The following NUP160 variants were observed in gnomAD, a reference collection of about 807,000 sequenced individuals.
NUP160 encodes nuclear pore complex protein Nup160.
A neutral mutation model predicts 196.9 loss-of-function variants in NUP160; 94 were observed. The observed-to-expected ratio is 0.48, with a 90% CI of 0.40 to 0.57. NUP160 has a LOEUF of 0.57. Ranked by LOEUF, NUP160 falls within the 20% of genes least tolerant of loss-of-function variation. The pLI, the probability that NUP160 is intolerant of heterozygous loss-of-function variation, is 0.00. For missense variants in NUP160, 1,638 were observed against 1,748.3 expected (o/e 0.94, Z 1.13); for synonymous variants, 605 against 619.7 (o/e 0.98, Z 0.35).
chr11:47,797,151 AGG>A (rs1491459723), intron 27 of NUP160, among the ~76,000 whole-genome samples: 88,037 of 152,128 alleles, frequency 0.58, 25,770 homozygotes, highest in Admixed American at 0.64. Context: ...AAATGTGGAA[AGG>A]GAGAAGGCTA....
At chr11:47,837,078 T>C (rs1422173274) in intron 5 of NUP160, 77 bp from the exon 6 acceptor site, 10 of 776,558 alleles carry the variant, frequency 1.3e-5, no homozygotes, top group South Asian at 8.3e-5. Flanking sequence ...TCAAGAAATA[T>C]AATAAAATTA....
chr11:47,804,415 G>A, intron 21 of NUP160, 134 bp downstream of exon 21: 1 of 627,294 alleles, frequency 1.6e-6, no homozygotes, highest in Non-Finnish European at 2.8e-6. Context: ...CAATCTCTTT[G>A]GGGTATGTCT....
At chr11:47,826,970 T>C in intron 7 of NUP160, 2 of 444,408 alleles carry the variant, frequency 4.5e-6, no homozygotes, top group Non-Finnish European at 9.0e-6. Flanking sequence ...TGTCTTAACA[T>C]AAATCAAGGC....
intron 19 of NUP160, among the ~76,000 whole-genome samples, chr11:47,806,850 C>CATATATATATAT (rs1163911031): frequency 1.8e-5 from 2 of 113,620 alleles, no homozygotes; most frequent in African/African-American, 6.7e-5. Flanking sequence ...CACACACACA[C>CATATATATATAT]ACATATATAT....
At chr11:47,819,315 A>C (rs1482695468) in intron 10 of NUP160, 59 bp downstream of exon 10, 2 of 1,239,790 alleles carry the variant, frequency 1.6e-6, no homozygotes, top group Non-Finnish European at 2.3e-6. Context: ...TCTGTCTCAA[A>C]AAAAAAAAAA....
chr11:47,807,290 T>A, intron 18 of NUP160, 150 bp from the exon 19 acceptor site: 1 of 601,382 alleles, frequency 1.7e-6, no homozygotes, highest in Non-Finnish European at 3.0e-6. Flanking sequence ...GAAATCATTA[T>A]AATATAGATT....
intron 20 of NUP160, among the ~76,000 whole-genome samples, chr11:47,805,445 G>T (rs1481773570): frequency 3.4e-5 from 3 of 88,578 alleles, no homozygotes; most frequent in Non-Finnish European, 4.5e-5. Context: ...AATGAATAAT[G>T]TCTTTTTTTT....
intron 7 of NUP160, among the ~76,000 whole-genome samples, chr11:47,824,052 T>TATATATACAC (rs1391609379): frequency 6.4e-5 from 6 of 93,796 alleles, no homozygotes; most frequent in Non-Finnish European, 1.2e-4. Flanking sequence ...TATATATATA[T>TATATATACAC]ACACACACAC....
intron 11 of NUP160, among the ~76,000 whole-genome samples, 183 bp from the exon 12 acceptor site, chr11:47,816,212 G>GTTCTT (rs2097684358): frequency 6.6e-6 from 1 of 152,162 alleles, no homozygotes; most frequent in African/African-American, 2.4e-5. Flanking sequence ...AGGTGACCTG[G>GTTCTT]AAAGATTCTT....
intron 31 of NUP160, chr11:47,787,139 G>C (rs2097665013): frequency 1.3e-5 from 2 of 150,604 alleles, no homozygotes; most frequent in South Asian, 4.2e-4. Context: ...CCAGGCTGGA[G>C]TGCAGTGGCG....
intron 33 of NUP160, among the ~76,000 whole-genome samples, chr11:47,783,973 C>T (rs1415779981): frequency 1.3e-5 from 2 of 151,052 alleles, no homozygotes; most frequent in African/African-American, 4.9e-5. Flanking sequence ...GGTTTACAGG[C>T]GTGAGTCACC....
chr11:47,848,099 A>G, intron 1 of NUP160, 120 bp downstream of exon 1: 1 of 1,328,900 alleles, frequency 7.5e-7, no homozygotes, highest in Middle Eastern at 1.8e-4. Flanking sequence ...GGAATCTCTG[A>G]TCCCGGGGCT....
chr11:47,806,996 G>T, intron 19 of NUP160, 74 bp downstream of exon 19: 1 of 1,089,294 alleles, frequency 9.2e-7, no homozygotes, highest in Non-Finnish European at 1.4e-6. Context: ...GGCAAAGGTG[G>T]CAAAAGACCA....
exon 13 of NUP160, chr11:47,815,524 G>A: frequency 6.2e-7 from 1 of 1,611,114 alleles, no homozygotes; most frequent in South Asian, 1.1e-5. Context: ...TCAAATGTAG[G>A]GCAAGAGGGT....
chr11:47,797,923 C>A, intron 26 of NUP160, 39 bp from the exon 27 acceptor site: 1 of 1,562,338 alleles, frequency 6.4e-7, no homozygotes, highest in African/African-American at 1.4e-5. Flanking sequence ...AAGTCAGTAG[C>A]AATCATGGCA....
chr11:47,813,689 G>A (rs2097682445), intron 13 of NUP160, among the ~76,000 whole-genome samples: 2 of 151,692 alleles, frequency 1.3e-5, no homozygotes, highest in Non-Finnish European at 2.9e-5. Context: ...AGCCAAGTGT[G>A]GTGGCACACA....
At chr11:47,838,594 G>C (rs1212910197) in intron 4 of NUP160, among the ~76,000 whole-genome samples, 1 of 151,752 alleles carries the variant, frequency 6.6e-6, no homozygotes, top group Non-Finnish European at 1.5e-5. Flanking sequence ...TGTAATTCCA[G>C]CTACTTGGGA....
intron 17 of NUP160, among the ~76,000 whole-genome samples, chr11:47,808,749 A>G (rs369424152): frequency 3.3e-5 from 5 of 152,336 alleles, no homozygotes; most frequent in African/African-American, 1.2e-4. Context: ...ACGGAAGCTC[A>G]TGATGAAAAG....
At chr11:47,783,127 C>A (rs745492220) in exon 34 of NUP160, 1 of 1,614,046 alleles carries the variant, frequency 6.2e-7, no homozygotes, top group Non-Finnish European at 8.5e-7. Flanking sequence ...CATATTCTGA[C>A]ACCAAATCCA....
Sources: gnomAD v4.1 joint callset for allele counts (sites outside exome capture counted in the v4.1 genomes callset) on GRCh38, gnomAD v4.1.1 for gene constraint, MANE v1.5 for transcripts, NCBI Gene and HGNC (gene_info 2026-07-23, HGNC 2026-07-21) for gene names.